ZC3H12C: variants seen among roughly 807,000 people sequenced by gnomAD.
ZC3H12C encodes the protein zinc finger CCCH-type containing 12C.
In ZC3H12C, 20 loss-of-function variants were observed where a neutral mutation model predicts 76.3. That is an observed-to-expected ratio of 0.26 (90% CI 0.18 to 0.38). The LOEUF is 0.38. Ranked by LOEUF, ZC3H12C falls within the 10% of genes least tolerant of loss-of-function variation. ZC3H12C has a pLI of 1.00. For missense variants in ZC3H12C, 874 were observed against 1,086.5 expected (o/e 0.80, Z 2.75); for synonymous variants, 352 against 399.6 (o/e 0.88, Z 1.42).
intron 4 of ZC3H12C, among the ~76,000 whole-genome samples, chr11:110,159,826 A>G (rs569461955): frequency 3.0e-4 from 45 of 152,232 alleles, no homozygotes; most frequent in Non-Finnish European, 5.0e-4. Context: ...TTTAAAATCA[A>G]TTTAGAGCAC....
chr11:110,101,003 G>A (rs542268652), intron 1 of ZC3H12C, among the ~76,000 whole-genome samples: 6 of 152,306 alleles, frequency 3.9e-5, no homozygotes, highest in African/African-American at 1.2e-4. Flanking sequence ...GAGATTAAAA[G>A]TGCTACTCCA....
At chr11:110,100,163 A>G (rs1283157277) in intron 1 of ZC3H12C, among the ~76,000 whole-genome samples, 2 of 151,412 alleles carry the variant, frequency 1.3e-5, no homozygotes, top group East Asian at 3.9e-4. Context: ...AGTTTGGCAT[A>G]TAGTAAATAC....
chr11:110,123,435 A>G (rs1279937805), intron 1 of ZC3H12C, among the ~76,000 whole-genome samples: 1 of 152,258 alleles, frequency 6.6e-6, no homozygotes, highest in East Asian at 1.9e-4. Flanking sequence ...TTCATTTAAA[A>G]TGAATGTAGA....
At position 110,102,185 on chromosome 11, in the gene ZC3H12C, G is replaced by A. The variant is rs112405942; in HGVS notation, c.21+8753G>A. On this transcript the variant is annotated intron_variant, in intron 1 of 5. Transcript: ENST00000278590. ...ATATTTTGTTAAGGTTACAGCTGCC[G>A]TAGATAGTGATTGATTCCTCTGATG... Among the ~76,000 whole-genome samples the A allele has an allele frequency of 1.2e-4, 18 of 150,322 alleles. 2 individuals are homozygous for A. Among genetic ancestry groups the A allele is most frequent in the African/African-American group, 2.5e-4 (10 of 40,812 alleles).
At chr11:110,105,666 CTATT>C (rs1417425185) in intron 1 of ZC3H12C, among the ~76,000 whole-genome samples, 4 of 151,954 alleles carry the variant, frequency 2.6e-5, no homozygotes, top group Non-Finnish European at 5.9e-5. Context: ...TTTAAAAAAT[CTATT>C]AATCTTTATA....
rs4265563 is a variant in ZC3H12C, at chr11:110,109,317, T to C, written c.21+15885T>C. Among the ~76,000 whole-genome samples, 5 of 152,358 alleles carry C rather than the reference T, an allele frequency of 3.3e-5. No homozygotes were observed. The South Asian group carries it at 1.0e-3, about 32-fold the overall frequency. ...AAATCCTTAATAAAGCTCTCATTCC[T>C]TCCATGGTTATTCATATTTATAACC... On this transcript the variant is annotated intron_variant, in intron 1 of 5. Coordinates refer to ENST00000278590, the MANE Select transcript of ZC3H12C (RefSeq NM_033390.2).
At position 110,168,647 on chromosome 11, in the gene ZC3H12C, C is replaced by T. The variant is rs796079083; in HGVS notation, c.*2910C>T. 3.9e-4 allele frequency: 60 copies of T among 152,274 alleles called. 1 individual carries two copies. The highest frequency in any genetic ancestry group is 1.4e-3 in the African/African-American group (59 of 41,572). 9.4% of individuals were successfully genotyped at this position (152,274 alleles called of 1,614,324 possible). Reference sequence around the variant, plus strand: ...CAGTTGACTGTGCTTTACACAGTAACTAGCCAGTCTGTTGTCTCTGTGTCT... The same window carrying T: ...CAGTTGACTGTGCTTTACACAGTAATTAGCCAGTCTGTTGTCTCTGTGTCT... On this transcript the variant is annotated 3_prime_UTR_variant, in exon 6 of 6. Transcript: ENST00000278590.
chr11:110,117,667 T>C (rs11213274), intron 1 of ZC3H12C, among the ~76,000 whole-genome samples: 48,825 of 138,462 alleles, frequency 0.35, 9,384 homozygotes, highest in East Asian at 0.66. Context: ...CACACACACA[T>C]ATATATATAT....
Position 110,169,372 on chromosome 11 carries a change from GTGTGTGTGTT to G in ZC3H12C, c.*3637_*3646del, listed in dbSNP as rs1862636868. ...TGTGTGTGTGTGTGTGTGTGTGTGT[GTGTGTGTGTT>G]TTGAAAACTCTCAAGCTGTTTTCCC... On this transcript the variant is annotated 3_prime_UTR_variant, in exon 6 of 6. Coordinates refer to ENST00000278590, the MANE Select transcript of ZC3H12C (RefSeq NM_033390.2). 1 of 132,276 alleles carries G rather than the reference GTGTGTGTGTT, an allele frequency of 7.6e-6. No individual in the cohort carries two copies. The highest frequency in any genetic ancestry group is 1.7e-5 in the Non-Finnish European group (1 of 59,264). 8.2% of individuals were successfully genotyped at this position (132,276 alleles called of 1,614,324 possible).
At chr11:110,162,950 C>T (rs1035662368) in intron 4 of ZC3H12C, among the ~76,000 whole-genome samples, 5 of 152,080 alleles carry the variant, frequency 3.3e-5, no homozygotes, top group African/African-American at 9.7e-5. Flanking sequence ...ATAAAGCTCT[C>T]CTAAAGTGTC....
rs1227880500 is a variant in ZC3H12C, at chr11:110,169,764, T to A, written c.*4027T>A. 6.6e-6 allele frequency: 1 copy of A among 152,194 alleles called. No individual in the cohort carries two copies. The highest frequency in any genetic ancestry group is 1.5e-5 in the Non-Finnish European group (1 of 68,014). 9.4% of individuals were successfully genotyped at this position (152,194 alleles called of 1,614,324 possible). A position where few individuals can be genotyped will look rare whatever the true frequency, so the allele number is the denominator to read the frequency against. On this transcript the variant is annotated 3_prime_UTR_variant, in exon 6 of 6. Transcript: ENST00000278590. ...TAGTGTTAATAAAAGTAAAGAAACA[T>A]ACACTATCTTAGCCCCCTAGGGCAG...
In ZC3H12C at chr11:110,125,614, A is replaced by G. The variant is rs2003839; in HGVS notation, c.22-11049A>G. 2.6e-3 allele frequency among the ~76,000 whole-genome samples: 400 copies of G among 152,220 alleles called. 1 individual carries two copies. The highest frequency in any genetic ancestry group is 4.6e-3 in the Non-Finnish European group (314 of 68,000). ...ATTACAGGCGTGAGCCACCATGGCCAGCCTCTCTAATGTGTTTAATGTCCT... is the reference window on the plus strand; with the variant it reads ...ATTACAGGCGTGAGCCACCATGGCCGGCCTCTCTAATGTGTTTAATGTCCT... On this transcript the variant is annotated intron_variant, in intron 1 of 5. Transcript: ENST00000278590.
At chr11:110,113,663 C>T (rs755527467) in intron 1 of ZC3H12C, among the ~76,000 whole-genome samples, 38 of 152,168 alleles carry the variant, frequency 2.5e-4, no homozygotes, top group Non-Finnish European at 4.3e-4. Context: ...GCAGAAATAG[C>T]TCTCTCAGGG....
At chr11:110,159,012 T>C (rs1322123377) in intron 3 of ZC3H12C, among the ~76,000 whole-genome samples, 1 of 146,670 alleles carries the variant, frequency 6.8e-6, no homozygotes, top group Non-Finnish European at 1.5e-5. Context: ...TGCCCAGTCA[T>C]GGTTCAATTT....
chr11:110,146,890 T>C (rs1591480226), intron 2 of ZC3H12C, among the ~76,000 whole-genome samples: 1 of 152,222 alleles, frequency 6.6e-6, no homozygotes, highest in Non-Finnish European at 1.5e-5. Context: ...TAAGGGTCTA[T>C]TCTGATCTAC....
At chr11:110,113,650 T>G (rs559000683) in intron 1 of ZC3H12C, among the ~76,000 whole-genome samples, 1 of 152,314 alleles carries the variant, frequency 6.6e-6, no homozygotes, top group African/African-American at 2.4e-5. Flanking sequence ...CTCTCTTCCT[T>G]TTGCAGAAAT....
At chr11:110,099,373 T>C (rs1487162376) in intron 1 of ZC3H12C, among the ~76,000 whole-genome samples, 1 of 152,178 alleles carries the variant, frequency 6.6e-6, no homozygotes, top group Non-Finnish European at 1.5e-5. Flanking sequence ...TTTGAGCCAC[T>C]AAGTATTAAC....
intron 2 of ZC3H12C, among the ~76,000 whole-genome samples, chr11:110,142,570 T>C (rs1199893138): frequency 6.6e-6 from 1 of 152,202 alleles, no homozygotes; most frequent in Non-Finnish European, 1.5e-5. Context: ...CTTTTTTCCT[T>C]TCCTTTTTCC....
chr11:110,118,470 G>A lies in ZC3H12C; in HGVS notation c.22-18193G>A, dbSNP rs567781689. Among the ~76,000 whole-genome samples, 3 of 152,116 alleles carry A rather than the reference G, an allele frequency of 2.0e-5. No individual in the cohort carries two copies. The East Asian group carries it at 5.8e-4, about 29-fold the overall frequency. ...GAAACACCTCCATTCGCACCAGCAA[G>A]AAGAAAAAGCAAAATATTTTAAGAA... On this transcript the variant is annotated intron_variant, in intron 1 of 5. Transcript: ENST00000278590.
Sources: allele counts gnomAD v4.1 joint callset (sites outside exome capture counted in the v4.1 genomes callset), GRCh38; gene constraint gnomAD v4.1.1; transcripts MANE v1.5; gene names NCBI Gene and HGNC (gene_info 2026-07-23, HGNC 2026-07-21).